STK32B: variants seen among roughly 807,000 people sequenced by gnomAD.
The protein encoded by STK32B is serine/threonine kinase 32B, also known as serine/threonine-protein kinase 32B.
STK32B carries 43 observed loss-of-function variants against 52.6 expected under a neutral mutation model. That is an observed-to-expected ratio of 0.82 (90% CI 0.64 to 1.05). The LOEUF is 1.05. STK32B is among the 50% of genes least tolerant of loss of function. STK32B has a pLI of 0.00. For missense variants in STK32B, 621 were observed against 534.6 expected (o/e 1.16, Z -1.59); for synonymous variants, 238 against 204.3 (o/e 1.17, Z -1.41).
At chr4:5,479,892 G>T (rs1718544673) in intron 11 of STK32B, among the ~76,000 whole-genome samples, 1 of 152,114 alleles carries the variant, frequency 6.6e-6, no homozygotes, top group African/African-American at 2.4e-5. Flanking sequence ...AGAGAGGCAG[G>T]ATATGTAAAT....
At chr4:5,327,750 C>A (rs1453209179) in intron 3 of STK32B, among the ~76,000 whole-genome samples, 2 of 152,124 alleles carry the variant, frequency 1.3e-5, no homozygotes, top group African/African-American at 4.8e-5. Context: ...TTAAAGTGAC[C>A]AGCTGCTAAA....
chr4:5,353,912 A>G (rs1214217499), intron 4 of STK32B, among the ~76,000 whole-genome samples: 1 of 152,254 alleles, frequency 6.6e-6, no homozygotes, highest in Non-Finnish European at 1.5e-5. Context: ...GAATCAGTAT[A>G]TCAAAGGGAT....
At chr4:5,113,138 G>A (rs2108803781) in intron 1 of STK32B, among the ~76,000 whole-genome samples, 1 of 152,208 alleles carries the variant, frequency 6.6e-6, no homozygotes, top group Admixed American at 6.5e-5. Context: ...AGGAGGTGGG[G>A]GCCTTTGAGA....
chr4:5,395,940 C>T lies in STK32B; in HGVS notation c.435-2267C>T, dbSNP rs957368334. On this transcript the variant is annotated intron_variant, in intron 4 of 11. Coordinates refer to ENST00000282908, the MANE Select transcript of STK32B (RefSeq NM_018401.3). This position sits in a 1 kb window ranked among gnomAD's most constrained non-coding sequence, Gnocchi z 4.4. ...TGTTCTCAGGATATGAGACAATGTG[C>T]GCCGGTGCAATGTGGATGTGGGGGC... is the stretch of plus-strand genomic sequence containing the variant. Among the ~76,000 whole-genome samples the T allele has an allele frequency of 2.6e-5, 4 of 152,152 alleles. No individual in the cohort carries two copies. Among genetic ancestry groups the T allele is most frequent in the African/African-American group, 4.8e-5 (2 of 41,442 alleles).
intron 1 of STK32B, among the ~76,000 whole-genome samples, chr4:5,117,657 T>G (rs1560160210): frequency 6.6e-6 from 1 of 152,192 alleles, no homozygotes; most frequent in African/African-American, 2.4e-5. Flanking sequence ...TATTTACCTC[T>G]TGTCATGTTT....
chr4:5,418,043 G>A (rs1712305471), intron 6 of STK32B, among the ~76,000 whole-genome samples: 1 of 152,174 alleles, frequency 6.6e-6, no homozygotes, highest in South Asian at 2.1e-4. Context: ...CACATTTCCT[G>A]GTGTTCTGTT....
At chr4:5,027,663 C>A in the STK32B span, among the ~76,000 whole-genome samples, 3 of 152,214 alleles carry the variant, frequency 2.0e-5, no homozygotes, top group African/African-American at 7.2e-5. Context: ...GGTTATCAAC[C>A]CTGTTCCATA....
Position 5,156,258 on chromosome 4 carries a change from CATAT to C in STK32B, c.109-12037_109-12034del, listed in dbSNP as rs59236284. Among the ~76,000 whole-genome samples, 6 of 151,606 alleles carry C rather than the reference CATAT, an allele frequency of 4.0e-5. No individual in the cohort carries two copies. The East Asian group carries it at 7.8e-4, about 20-fold the overall frequency. ...ATACATTGATCTATGATACAGATAA[CATAT>C]ATAATATAAATGCATGAATATTATA... On this transcript the variant is annotated intron_variant, in intron 2 of 11. Coordinates refer to ENST00000282908, the MANE Select transcript of STK32B (RefSeq NM_018401.3).
In STK32B at chr4:5,499,030, G is replaced by C. The variant is rs558465928; in HGVS notation, c.1192G>C (p.Gly398Arg). ...GGQAQSKLQD[G>R]CNNNLLTHTC... ...CCAGGCCCAAAGCAAGCTCCAGGAC[G>C]GGTGCAACAACAACCTCCTCACCCA... Residue 398 changes from glycine to arginine, a missense_variant, in exon 12 of 12, where the codon GGG becomes CGG. Physicochemically the swap from Gly to Arg is moderately radical, Grantham distance 125 (BLOSUM62 -2). Transcript: ENST00000282908. The C allele has an allele frequency of 1.2e-6, 2 of 1,613,726 alleles. No individual in the cohort carries two copies. The highest frequency in any genetic ancestry group is 2.2e-5 in the South Asian group (2 of 91,016).
intron 3 of STK32B, among the ~76,000 whole-genome samples, chr4:5,261,787 C>G (rs1726729477): frequency 1.3e-5 from 2 of 152,110 alleles, no homozygotes; most frequent in Admixed American, 6.5e-5. Flanking sequence ...ATGACTACTA[C>G]TATTGCCAAC....
chr4:5,277,832 G>A (rs1727932733), intron 3 of STK32B, among the ~76,000 whole-genome samples: 2 of 152,070 alleles, frequency 1.3e-5, no homozygotes, highest in Non-Finnish European at 2.9e-5. Flanking sequence ...CCTATAATCT[G>A]GTCCTTTGGA....
chr4:5,413,477 C>T (rs188963508), intron 5 of STK32B, among the ~76,000 whole-genome samples: 6 of 152,166 alleles, frequency 3.9e-5, no homozygotes, highest in Admixed American at 3.9e-4. Flanking sequence ...CAAATAGCTT[C>T]TGCAGTTCTA....
chr4:5,337,321 G>A (rs28558957), intron 4 of STK32B, among the ~76,000 whole-genome samples: 1,721 of 152,138 alleles, frequency 0.011, 21 homozygotes, highest in South Asian at 0.057. Context: ...AGAAGGCAGC[G>A]CAGACACGCT....
intron 1 of STK32B, among the ~76,000 whole-genome samples, chr4:5,063,229 C>T (rs896947316): frequency 1.3e-5 from 2 of 152,198 alleles, no homozygotes; most frequent in Admixed American, 6.5e-5. Flanking sequence ...GTAGGCATTT[C>T]CATTGCTCTA....
chr4:5,242,910 G>A (rs1374573466), intron 3 of STK32B, among the ~76,000 whole-genome samples: 1 of 152,102 alleles, frequency 6.6e-6, no homozygotes, highest in Non-Finnish European at 1.5e-5. Flanking sequence ...TTATTTCTGA[G>A]GCCTCTGTTG....
intron 1 of STK32B, among the ~76,000 whole-genome samples, chr4:5,136,472 G>T (rs1472786478): frequency 3.9e-5 from 6 of 152,192 alleles, no homozygotes; most frequent in African/African-American, 1.2e-4. Context: ...AGCAGTGCTT[G>T]TGGCTTCCTC....
At chr4:5,232,671 G>A (rs1376035672) in intron 3 of STK32B, among the ~76,000 whole-genome samples, 3 of 152,196 alleles carry the variant, frequency 2.0e-5, no homozygotes, top group Non-Finnish European at 4.4e-5. Context: ...GGGGAGCAGT[G>A]AGTGAGAGCA....
At chr4:5,357,111 A>ACG (rs1491290680) in intron 4 of STK32B, among the ~76,000 whole-genome samples, 1 of 151,200 alleles carries the variant, frequency 6.6e-6, no homozygotes, top group Non-Finnish European at 1.5e-5. Flanking sequence ...ACACACACAC[A>ACG]TATATATACA....
intron 3 of STK32B, among the ~76,000 whole-genome samples, chr4:5,227,360 G>A (rs1018372558): frequency 1.3e-5 from 2 of 152,102 alleles, no homozygotes; most frequent in Non-Finnish European, 2.9e-5. Flanking sequence ...TTAGTAATTT[G>A]AAAAATAGTC....
Sources: allele counts gnomAD v4.1 joint callset (sites outside exome capture counted in the v4.1 genomes callset), GRCh38; gene constraint gnomAD v4.1.1; non-coding constraint Gnocchi (gnomAD v3.1); transcripts MANE v1.5; gene names NCBI Gene and HGNC (gene_info 2026-07-23, HGNC 2026-07-21).